The following MAPKAP1 variants were observed in gnomAD, a reference collection of about 807,000 sequenced individuals.
The protein encoded by MAPKAP1 is target of rapamycin complex 2 subunit MAPKAP1.
A neutral mutation model predicts 65.7 loss-of-function variants in MAPKAP1; 20 were observed. The observed-to-expected ratio is 0.30, with a 90% CI of 0.21 to 0.44. The LOEUF (loss-of-function observed/expected upper bound fraction) is 0.44. MAPKAP1 is among the 20% of genes least tolerant of loss of function. The pLI is 1.00. For synonymous variants in MAPKAP1, 222 were observed against 244.3 expected (o/e 0.91, Z 0.85); for missense variants, 423 against 648.0 (o/e 0.65, Z 3.77).
chr9:125,668,002 A>T (rs1321401215), intron 3 of MAPKAP1, among the ~76,000 whole-genome samples: 1 of 128,278 alleles, frequency 7.8e-6, no homozygotes, highest in Admixed American at 7.5e-5. Flanking sequence ...AACTAGAGAG[A>T]AATTCAAGAA....
At chr9:125,449,245 T>C (rs1344825259) in intron 10 of MAPKAP1, among the ~76,000 whole-genome samples, 1 of 152,178 alleles carries the variant, frequency 6.6e-6, no homozygotes, top group Admixed American at 6.5e-5. Context: ...GGCAAGGCAC[T>C]GTCCCTTCCA....
At chr9:125,493,478 A>G (rs1481556084) in intron 8 of MAPKAP1, among the ~76,000 whole-genome samples, 1 of 152,220 alleles carries the variant, frequency 6.6e-6, no homozygotes, top group East Asian at 1.9e-4. Context: ...ATCCCATTCT[A>G]CAAAGCACAT....
chr9:125,547,701 G>T (rs1379774080), intron 6 of MAPKAP1, among the ~76,000 whole-genome samples: 4 of 152,196 alleles, frequency 2.6e-5, no homozygotes, highest in African/African-American at 9.7e-5. Context: ...TGGTAACACA[G>T]GGGCATTAAA....
At chr9:125,521,334 G>T in intron 7 of MAPKAP1, 1 of 357,194 alleles carries the variant, frequency 2.8e-6, no homozygotes, top group Non-Finnish European at 4.0e-6. Context: ...ACTTGTTAGA[G>T]AGGTTGGAAA....
intron 8 of MAPKAP1, among the ~76,000 whole-genome samples, chr9:125,503,880 CTTTTTTT>C (rs35867576): frequency 7.7e-4 from 51 of 66,244 alleles, no homozygotes; most frequent in African/African-American, 3.4e-3. Context: ...CCACGCTTGG[CTTTTTTT>C]TTTTTTTTTT....
chr9:125,442,779 T>G (rs532124501), intron 11 of MAPKAP1, among the ~76,000 whole-genome samples: 1 of 152,360 alleles, frequency 6.6e-6, no homozygotes, highest in South Asian at 2.1e-4. Context: ...CTACTCTGTC[T>G]GCTCCAAACT....
At chr9:125,578,302 G>A (rs10117676) in intron 5 of MAPKAP1, among the ~76,000 whole-genome samples, 45,422 of 151,478 alleles carry the variant, frequency 0.3, 7,883 homozygotes, top group Middle Eastern at 0.4. Flanking sequence ...GCGGAAGGCC[G>A]CAGGGTCCTC....
intron 8 of MAPKAP1, among the ~76,000 whole-genome samples, chr9:125,487,486 CTAT>C (rs1252611983): frequency 6.6e-6 from 1 of 151,938 alleles, no homozygotes; most frequent in Non-Finnish European, 1.5e-5. Flanking sequence ...TGAGAAAATG[CTAT>C]TATTAGATAC....
At position 125,697,737 on chromosome 9, in the gene MAPKAP1, T is replaced by C. The variant is rs147098370; in HGVS notation, c.-70+9234A>G. On this transcript the variant is annotated intron_variant, in intron 1 of 11. Coordinates refer to ENST00000265960, the MANE Select transcript of MAPKAP1 (RefSeq NM_001006617.3). ...AAGCTCAAAAGGCATGCATAACTTTTTTTAAAAGCTTGTTAATAAATACTG... is the reference window on the plus strand; with the variant it reads ...AAGCTCAAAAGGCATGCATAACTTTCTTTAAAAGCTTGTTAATAAATACTG... Among the ~76,000 whole-genome samples, 775 of 152,312 alleles carry C rather than the reference T, an allele frequency of 5.1e-3. 6 individuals are homozygous for C. The highest frequency in any genetic ancestry group is 0.017 in the African/African-American group (725 of 41,554).
At chr9:125,657,285 C>T (rs533791591) in intron 4 of MAPKAP1, among the ~76,000 whole-genome samples, 74 of 151,988 alleles carry the variant, frequency 4.9e-4, no homozygotes, top group African/African-American at 1.7e-3. Flanking sequence ...CCCTTCCTCC[C>T]CCTCCCCTTT....
chr9:125,563,416 A>G (rs1433214326), intron 5 of MAPKAP1, among the ~76,000 whole-genome samples: 1 of 152,186 alleles, frequency 6.6e-6, no homozygotes. Context: ...CTTATCGGAA[A>G]AACAGCTTTC....
intron 5 of MAPKAP1, among the ~76,000 whole-genome samples, chr9:125,571,590 C>T (rs918561342): frequency 2.0e-5 from 3 of 152,170 alleles, no homozygotes; most frequent in Non-Finnish European, 4.4e-5. Flanking sequence ...GGTGCAGTGG[C>T]TCATGCCTGT....
intron 5 of MAPKAP1, among the ~76,000 whole-genome samples, chr9:125,578,331 A>G (rs938709886): frequency 7.9e-5 from 12 of 151,804 alleles, no homozygotes; most frequent in Non-Finnish European, 1.5e-4. Flanking sequence ...AAAACCAGAG[A>G]CCTTTGTTCA....
At chr9:125,684,479 T>TA (rs761141644) in intron 1 of MAPKAP1, among the ~76,000 whole-genome samples, 1 of 152,304 alleles carries the variant, frequency 6.6e-6, no homozygotes, top group East Asian at 1.9e-4. Context: ...TTGAAGCCAC[T>TA]AAATTTGTGG....
chr9:125,703,679 A>C (rs2416970), intron 1 of MAPKAP1, among the ~76,000 whole-genome samples: 151,686 of 151,790 alleles, frequency 1, 75,791 homozygotes, highest in Middle Eastern at 1. Context: ...GGCTGAGGCA[A>C]GAGAATCTCT....
Position 125,559,759 on chromosome 9 carries a change from A to G in MAPKAP1, c.722T>C (p.Val241Ala). ...ATCCAGCGGGGGGAAATCGGTGTCC[A>G]CCTCCCCATCATCCTCAGCAATATG... ...CLHIAEDDGE[V>A]DTDFPPLDSN... The change falls in exon 6 of 12, where the codon GTG becomes GCG. Residue 241 changes from valine to alanine, a missense_variant. Val to Ala is a moderately conservative substitution (Grantham distance 64). Transcript: ENST00000265960. 1 of 1,613,700 alleles carries G rather than the reference A, an allele frequency of 6.2e-7. No homozygotes were observed. The highest frequency in any genetic ancestry group is 8.5e-7 in the Non-Finnish European group (1 of 1,179,766).
At position 125,575,761 on chromosome 9, in the gene MAPKAP1, A is replaced by G. The variant is rs371114311; in HGVS notation, c.671+9794T>C. ...TCATTCCTCACTGGTGGGAATGCCA[A>G]ATGGTATGACCACTTTGGAAGACAG... On this transcript the variant is annotated intron_variant, in intron 5 of 11. Coordinates refer to ENST00000265960, the MANE Select transcript of MAPKAP1 (RefSeq NM_001006617.3). Among the ~76,000 whole-genome samples, 5 of 152,208 alleles carry G rather than the reference A, an allele frequency of 3.3e-5. No individual in the cohort carries two copies. In the East Asian group the frequency reaches 5.8e-4, roughly 18 times the overall value.
chr9:125,440,697 G>A (rs553311028), intron 11 of MAPKAP1, among the ~76,000 whole-genome samples: 3 of 152,336 alleles, frequency 2.0e-5, no homozygotes, highest in South Asian at 2.1e-4. Context: ...AGGCTGGTGC[G>A]TGAGTACAGA....
chr9:125,612,343 C>T (rs997024832), intron 4 of MAPKAP1, among the ~76,000 whole-genome samples: 1 of 152,178 alleles, frequency 6.6e-6, no homozygotes. Context: ...AATGGGCATA[C>T]AGCCATGCTC....
Sources: allele counts gnomAD v4.1 joint callset (sites outside exome capture counted in the v4.1 genomes callset), GRCh38; gene constraint gnomAD v4.1.1; transcripts MANE v1.5; gene names NCBI Gene and HGNC (gene_info 2026-07-23, HGNC 2026-07-21).